SLC24A3: variants seen among roughly 807,000 people sequenced by gnomAD.
SLC24A3 encodes sodium/potassium/calcium exchanger 3.
SLC24A3 carries 28 observed loss-of-function variants against 75.8 expected under a neutral mutation model. That is an observed-to-expected ratio of 0.37 (90% CI 0.27 to 0.51). The LOEUF (loss-of-function observed/expected upper bound fraction) is 0.51, where lower values mean the gene tolerates loss of function less well. SLC24A3 is among the 20% of genes least tolerant of loss of function. SLC24A3 has a pLI of 0.94. For missense variants in SLC24A3, 663 were observed against 847.8 expected (o/e 0.78, Z 2.71); for synonymous variants, 372 against 334.1 (o/e 1.11, Z -1.24).
At chr20:19,638,175 G>A (rs2032024752) in intron 6 of SLC24A3, among the ~76,000 whole-genome samples, 1 of 151,696 alleles carries the variant, frequency 6.6e-6, no homozygotes. Context: ...TGCAGTGTTT[G>A]GTTTTCTGTT....
intron 1 of SLC24A3, among the ~76,000 whole-genome samples, chr20:19,270,277 GAGAAACAC>G (rs1568574144): frequency 6.6e-6 from 1 of 152,096 alleles, no homozygotes; most frequent in African/African-American, 2.4e-5. Flanking sequence ...GAGAACTCTT[GAGAAACAC>G]AGAATCTCGG....
chr20:19,502,758 C>T (rs1988403410), intron 2 of SLC24A3, among the ~76,000 whole-genome samples: 1 of 150,378 alleles, frequency 6.6e-6, no homozygotes, highest in African/African-American at 2.4e-5. Context: ...AGACCGGGTG[C>T]AGTGGCTTAT....
intron 2 of SLC24A3, among the ~76,000 whole-genome samples, chr20:19,326,477 G>A (rs981503923): frequency 4.6e-5 from 7 of 152,154 alleles, no homozygotes; most frequent in Admixed American, 6.5e-5. Context: ...AGCCAGGTCC[G>A]GCCTCCTGGG....
At position 19,600,215 on chromosome 20, in the gene SLC24A3, G is replaced by C. The variant is rs536931307; in HGVS notation, c.612+14671G>C. 4.6e-5 allele frequency among the ~76,000 whole-genome samples: 7 copies of C among 152,186 alleles called. No individual in the cohort carries two copies. In the East Asian group the frequency reaches 1.4e-3, roughly 29 times the overall value. On this transcript the variant is annotated intron_variant, in intron 6 of 16. Coordinates refer to ENST00000328041, the MANE Select transcript of SLC24A3 (RefSeq NM_020689.4). Reference sequence around the variant, plus strand: ...GGCCCCAGCTCCAGCTCCAGACCCTGCCAGCTTGGCCTAGACAAACCCATT... The same window carrying C: ...GGCCCCAGCTCCAGCTCCAGACCCTCCCAGCTTGGCCTAGACAAACCCATT...
chr20:19,492,823 C>T (rs1020455341), intron 2 of SLC24A3, among the ~76,000 whole-genome samples: 1 of 150,910 alleles, frequency 6.6e-6, no homozygotes, highest in Non-Finnish European at 1.5e-5. Context: ...AGTTTGTTCT[C>T]GTATGGCCTG....
chr20:19,548,715 A>G (rs1382243002), intron 3 of SLC24A3, among the ~76,000 whole-genome samples: 1 of 152,238 alleles, frequency 6.6e-6, no homozygotes, highest in African/African-American at 2.4e-5. Flanking sequence ...GGTTGGACCC[A>G]CCAAGAATAA....
At chr20:19,498,510 C>T (rs966794805) in intron 2 of SLC24A3, among the ~76,000 whole-genome samples, 1 of 152,032 alleles carries the variant, frequency 6.6e-6, no homozygotes, top group African/African-American at 2.4e-5. Context: ...TCTAGGGCTC[C>T]ACTCAAGCCT....
chr20:19,326,293 C>T (rs1984860319), intron 2 of SLC24A3, among the ~76,000 whole-genome samples: 2 of 152,126 alleles, frequency 1.3e-5, no homozygotes, highest in African/African-American at 4.8e-5. Flanking sequence ...GGGCCATCAT[C>T]ATCCTCTGCC....
At chr20:19,339,243 C>T (rs974028354) in intron 2 of SLC24A3, among the ~76,000 whole-genome samples, 8 of 152,250 alleles carry the variant, frequency 5.3e-5, no homozygotes, top group African/African-American at 1.9e-4. Context: ...TCATTCTTAC[C>T]ATCTGGGCTT....
intron 13 of SLC24A3, 162 bp downstream of exon 13, chr20:19,693,587 C>G (rs2032772232): frequency 1.2e-6 from 1 of 829,632 alleles, no homozygotes; most frequent in South Asian, 2.4e-5. Context: ...TTGCAGGCAT[C>G]GATTCTCCTG....
chr20:19,349,213 C>T (rs1219032913), intron 2 of SLC24A3, among the ~76,000 whole-genome samples: 1 of 152,162 alleles, frequency 6.6e-6, no homozygotes, highest in Non-Finnish European at 1.5e-5. Flanking sequence ...GCATTGACTC[C>T]ACATTGGGAG....
chr20:19,341,748 TATCCTCTGTCTCAGTTCTTC>T (rs1433164812), intron 2 of SLC24A3, among the ~76,000 whole-genome samples: 1 of 152,168 alleles, frequency 6.6e-6, no homozygotes, highest in African/African-American at 2.4e-5. Flanking sequence ...GCCTTTTTGA[TATCCTCTGTCTCAGTTCTTC>T]ATTCTGCAAA....
chr20:19,482,671 G>A (rs1359716362), intron 2 of SLC24A3, among the ~76,000 whole-genome samples: 3 of 152,210 alleles, frequency 2.0e-5, no homozygotes, highest in African/African-American at 7.2e-5. Context: ...GCCTGAGATA[G>A]CCTCATTTCC....
At chr20:19,264,496 G>A (rs1223028514) in intron 1 of SLC24A3, among the ~76,000 whole-genome samples, 1 of 151,934 alleles carries the variant, frequency 6.6e-6, no homozygotes, top group Admixed American at 6.5e-5. Context: ...AGGCCGAGGC[G>A]GGTGGATTGC....
At chr20:19,238,962 G>A (rs1036075386) in intron 1 of SLC24A3, among the ~76,000 whole-genome samples, 3 of 99,684 alleles carry the variant, frequency 3.0e-5, no homozygotes, top group African/African-American at 4.9e-5. Context: ...ACACATGGGC[G>A]CATGCACACA....
intron 2 of SLC24A3, among the ~76,000 whole-genome samples, chr20:19,315,380 C>T (rs752622643): frequency 2.6e-5 from 4 of 152,136 alleles, no homozygotes; most frequent in Non-Finnish European, 5.9e-5. Flanking sequence ...CATTCAGGTG[C>T]AAAGAAGCAA....
chr20:19,684,154 C>T (rs749389630), intron 10 of SLC24A3, 22 bp from the exon 11 acceptor site: 3 of 1,609,020 alleles, frequency 1.9e-6, no homozygotes, highest in Non-Finnish European at 2.6e-6. Flanking sequence ...GTTATTTTAC[C>T]TTATGTTTTT....
intron 1 of SLC24A3, among the ~76,000 whole-genome samples, chr20:19,267,162 G>T (rs965173516): frequency 6.6e-6 from 1 of 152,114 alleles, no homozygotes; most frequent in Non-Finnish European, 1.5e-5. Flanking sequence ...ATCTTATTGA[G>T]AAAACATGAT....
At chr20:19,307,563 G>A (rs1255260486) in intron 2 of SLC24A3, among the ~76,000 whole-genome samples, 1 of 152,118 alleles carries the variant, frequency 6.6e-6, no homozygotes, top group Non-Finnish European at 1.5e-5. Flanking sequence ...GAGAACACAT[G>A]GACACAGGGA....
Sources: allele counts gnomAD v4.1 joint callset (sites outside exome capture counted in the v4.1 genomes callset), GRCh38; gene constraint gnomAD v4.1.1; transcripts MANE v1.5; gene names NCBI Gene and HGNC (gene_info 2026-07-23, HGNC 2026-07-21).